RAD23B: variants seen among roughly 807,000 people sequenced by gnomAD.
The protein encoded by RAD23B is RAD23 nucleotide excision repair protein B, also known as lysine-specific demethylase RAD23B.
In RAD23B, 5 loss-of-function variants were observed where a neutral mutation model predicts 49.1. The observed-to-expected ratio is 0.10, with a 90% CI of 0.05 to 0.21. The LOEUF is 0.21. RAD23B is among the 10% of genes least tolerant of loss of function. RAD23B has a pLI of 1.00. For missense variants in RAD23B, 356 were observed against 486.7 expected, an observed-to-expected ratio of 0.73 and a Z score of 2.53; for synonymous variants, 184 against 165.4, an observed-to-expected ratio of 1.11 and a Z score of -0.86.
intron 1 of RAD23B, among the ~76,000 whole-genome samples, chr9:107,289,865 A>G (rs1350623198): frequency 6.6e-6 from 1 of 152,222 alleles, no homozygotes; most frequent in East Asian, 1.9e-4. Context: ...CTCAAATGTG[A>G]TTAAATTCAA....
At chr9:107,319,953 A>G (rs1827076374) in intron 6 of RAD23B, among the ~76,000 whole-genome samples, 1 of 152,188 alleles carries the variant, frequency 6.6e-6, no homozygotes, top group Non-Finnish European at 1.5e-5. Context: ...ATTGCCCTAA[A>G]TATCATCTTA....
chr9:107,283,294 C>T lies in RAD23B; in HGVS notation c.-336C>T, dbSNP rs1258552680. On this transcript the variant is annotated 5_prime_UTR_variant, in exon 1 of 10. Transcript: ENST00000358015. ...ACGTCTCGGCGAGTCACGATGATGG[C>T]GGCCACCATCCTGTGGTGAGCTAGC... The T allele has an allele frequency of 9.9e-6, 4 of 403,236 alleles. No homozygotes were observed. The highest frequency in any genetic ancestry group is 8.2e-5 in the African/African-American group (4 of 48,624). 25.0% of individuals were successfully genotyped at this position (403,236 alleles called of 1,614,324 possible).
At chr9:107,285,321 CGTAAA>C (rs1833254625) in intron 1 of RAD23B, among the ~76,000 whole-genome samples, 3 of 152,154 alleles carry the variant, frequency 2.0e-5, no homozygotes, top group Admixed American at 2.0e-4. Context: ...AGACAAACTA[CGTAAA>C]ATGCCTATTT....
Position 107,331,830 on chromosome 9 carries a change from C to G in RAD23B, c.*2174C>G. The G allele has an allele frequency of 1.5e-6, 1 of 646,656 alleles. No homozygotes were observed. The highest frequency in any genetic ancestry group is 1.9e-5 in the South Asian group (1 of 51,748). The allele number at this position is 646,656 out of a possible 1,614,324, so 40.1% of individuals were successfully genotyped here. ...CAAGTTTTGATCGTTCCATACAGTA[C>G]CTTGTTTATCTGCTTCTTAAAGAAT... On this transcript the variant is annotated 3_prime_UTR_variant, in exon 10 of 10. Transcript: ENST00000358015.
chr9:107,328,026 GTA>G (rs1356538216), intron 9 of RAD23B, among the ~76,000 whole-genome samples: 2 of 152,040 alleles, frequency 1.3e-5, no homozygotes, highest in Non-Finnish European at 2.9e-5. Flanking sequence ...CATTTGCATA[GTA>G]TATACCTTTT....
At chr9:107,311,578 A>G in intron 4 of RAD23B, 104 bp from the exon 5 acceptor site, 1 of 766,082 alleles carries the variant, frequency 1.3e-6, no homozygotes, top group Non-Finnish European at 2.0e-6. Flanking sequence ...TTTATATTTA[A>G]TTAAAATCAA....
At chr9:107,293,382 A>G (rs975856131) in intron 1 of RAD23B, among the ~76,000 whole-genome samples, 2 of 152,222 alleles carry the variant, frequency 1.3e-5, no homozygotes, top group East Asian at 1.9e-4. Flanking sequence ...CTACAACCTC[A>G]TAGAGATGTA....
chr9:107,326,132 T>C (rs1030665680), intron 9 of RAD23B, among the ~76,000 whole-genome samples: 2 of 152,160 alleles, frequency 1.3e-5, no homozygotes, highest in African/African-American at 4.8e-5. Context: ...TGTATTTTGT[T>C]GAGGATTTTT....
intron 4 of RAD23B, among the ~76,000 whole-genome samples, chr9:107,307,421 G>A (rs973435528): frequency 6.6e-6 from 1 of 152,204 alleles, no homozygotes; most frequent in African/African-American, 2.4e-5. Context: ...AGTTCTCTTG[G>A]TTGGAAATCA....
At chr9:107,297,433 G>T (rs965660949) in intron 1 of RAD23B, among the ~76,000 whole-genome samples, 2 of 151,772 alleles carry the variant, frequency 1.3e-5, no homozygotes, top group African/African-American at 4.8e-5. Flanking sequence ...TCTGCCTCCT[G>T]GGATTCAAGC....
At chr9:107,306,797 G>T in intron 4 of RAD23B, 150 bp downstream of exon 4, 1 of 866,694 alleles carries the variant, frequency 1.2e-6, no homozygotes, top group Middle Eastern at 3.3e-4. Context: ...TGCTGCGTCT[G>T]TTTTGATAGC....
rs537000345 is a variant in RAD23B at position 107,331,096 on chromosome 9, TAAG to T, written c.*1445_*1447del. 2.4e-3 allele frequency: 370 copies of T among 152,664 alleles called. 1 individual carries two copies. Among genetic ancestry groups the T allele is most frequent in the South Asian group, 3.1e-3 (15 of 4,828 alleles). The allele number at this position is 152,664 out of a possible 1,614,324, so 9.5% of individuals were successfully genotyped here. On this transcript the variant is annotated 3_prime_UTR_variant, in exon 10 of 10. Coordinates refer to ENST00000358015, the MANE Select transcript of RAD23B (RefSeq NM_002874.5). Reference sequence around the variant, plus strand: ...TTCCTTTTTTTTAACCATCTGATACTAAGAAGATGAATTTGCACAGATTTCTCT... The same window carrying T: ...TTCCTTTTTTTTAACCATCTGATACTAAGATGAATTTGCACAGATTTCTCT...
intron 1 of RAD23B, among the ~76,000 whole-genome samples, chr9:107,296,466 G>A (rs182443641): frequency 2.0e-5 from 3 of 152,294 alleles, no homozygotes; most frequent in Non-Finnish European, 2.9e-5. Context: ...ATGAGGTTGA[G>A]CTTTTCTGTG....
At chr9:107,302,180 G>A in intron 3 of RAD23B, 66 bp downstream of exon 3, 1 of 1,600,562 alleles carries the variant, frequency 6.2e-7, no homozygotes, top group Non-Finnish European at 8.5e-7. Context: ...ATGATCACAA[G>A]TCCACACAAT....
At position 107,324,913 on chromosome 9, in the gene RAD23B, G is replaced by T. The variant is rs1038431500; in HGVS notation, c.1025G>T (p.Gly342Val). The T allele has an allele frequency of 6.2e-7, 1 of 1,613,776 alleles. No homozygotes were observed. The highest frequency in any genetic ancestry group is 8.5e-7 in the Non-Finnish European group (1 of 1,179,922). ...VQEAGGQGGGGGGGSGGIAEA... is the reference protein window; with the variant it reads ...VQEAGGQGGGVGGGSGGIAEA... ...GAAGCTGGTGGTCAAGGAGGAGGAG[G>T]TGGAGGTGGCAGTGGAGGAATTGCA... Residue 342 changes from glycine (G) to valine (V), a missense_variant, in exon 9 of 10, where the codon GGT becomes GTT. This residue lies in a region of RAD23B where 148 missense variants were observed against 231.7 expected (regional missense o/e 0.64). Transcript: ENST00000358015.
intron 2 of RAD23B, among the ~76,000 whole-genome samples, chr9:107,300,874 T>G (rs888620709): frequency 1.5e-4 from 23 of 152,178 alleles, no homozygotes; most frequent in Admixed American, 8.5e-4. Flanking sequence ...TTTTTCTGAA[T>G]AGTGTTTCCT....
At chr9:107,298,038 G>A (rs531403722) in intron 1 of RAD23B, among the ~76,000 whole-genome samples, 1 of 152,272 alleles carries the variant, frequency 6.6e-6, no homozygotes, top group East Asian at 1.9e-4. Context: ...TTTATGCATA[G>A]AGATACACTT....
At chr9:107,319,276 G>A (rs767416081) in intron 6 of RAD23B, among the ~76,000 whole-genome samples, 3 of 151,682 alleles carry the variant, frequency 2.0e-5, no homozygotes, top group Non-Finnish European at 4.4e-5. Context: ...GACCACAGGC[G>A]CCTGCCACCA....
At chr9:107,290,546 T>C (rs987313246) in intron 1 of RAD23B, among the ~76,000 whole-genome samples, 1 of 152,192 alleles carries the variant, frequency 6.6e-6, no homozygotes, top group Non-Finnish European at 1.5e-5. Flanking sequence ...TCCTCACAAC[T>C]TTGTACTTGT....
Sources: gnomAD v4.1 joint callset for allele counts (sites outside exome capture counted in the v4.1 genomes callset) on GRCh38, gnomAD v4.1.1 for gene constraint, gnomAD v4.1.1 regional missense constraint, MANE v1.5 for transcripts, NCBI Gene and HGNC (gene_info 2026-07-23, HGNC 2026-07-21) for gene names.